Variants in PIK3C2G observed in about 807,000 individuals in gnomAD.
PIK3C2G encodes the protein phosphatidylinositol-4-phosphate 3-kinase catalytic subunit type 2 gamma, also known as phosphatidylinositol 3-kinase C2 domain-containing subunit gamma.
Under a neutral mutation model 181.1 loss-of-function variants are expected in PIK3C2G, and 168 were observed. The ratio of observed to expected loss-of-function variants is 0.93; its 90% CI spans 0.82 to 1.05. The LOEUF is 1.05. PIK3C2G is among the 50% of genes least tolerant of loss of function. The pLI is 0.00. For missense variants in PIK3C2G, 1,869 were observed against 1,732.8 expected (o/e 1.08, Z -1.40); for synonymous variants, 573 against 592.2 (o/e 0.97, Z 0.47).
chr12:18,649,200 G>C (rs916529040), downstream of PIK3C2G, among the ~76,000 whole-genome samples: 6 of 152,136 alleles, frequency 3.9e-5, no homozygotes, highest in East Asian at 9.7e-4. Context: ...CTTGGCTGAT[G>C]GCATTGTTTC....
At chr12:18,693,315 C>G in the PIK3C2G span, 1 of 1,542,006 alleles carries the variant, frequency 6.5e-7, no homozygotes, top group African/African-American at 1.4e-5. Flanking sequence ...GGAAAAGGCC[C>G]CCCAAGAGAC....
At chr12:18,334,008 T>C (rs1253146665) in intron 8 of PIK3C2G, among the ~76,000 whole-genome samples, 1 of 152,148 alleles carries the variant, frequency 6.6e-6, no homozygotes. Context: ...TCAAGTATGA[T>C]TAATTAATTC....
At chr12:18,383,962 C>T (rs758477676) in intron 14 of PIK3C2G, among the ~76,000 whole-genome samples, 1 of 150,580 alleles carries the variant, frequency 6.6e-6, no homozygotes, top group African/African-American at 2.4e-5. Context: ...TGCCACCTTG[C>T]CCTGTTATTT....
intron 29 of PIK3C2G, among the ~76,000 whole-genome samples, chr12:18,593,035 C>T (rs1947167793): frequency 6.6e-6 from 1 of 151,808 alleles, no homozygotes; most frequent in African/African-American, 2.4e-5. Flanking sequence ...GAATCTATTC[C>T]AGGTCTTTCT....
chr12:18,382,830 C>T (rs182477442), intron 14 of PIK3C2G, among the ~76,000 whole-genome samples: 1 of 152,214 alleles, frequency 6.6e-6, no homozygotes, highest in Admixed American at 6.5e-5. Flanking sequence ...CTTAAGTTTC[C>T]AGGCTTGTGG....
At chr12:18,693,321 G>C in the PIK3C2G span, 1 of 1,546,316 alleles carries the variant, frequency 6.5e-7, no homozygotes, top group South Asian at 1.1e-5. Flanking sequence ...GGCCCCCCAA[G>C]AGACCTATGC....
chr12:18,423,984 C>A lies in PIK3C2G; in HGVS notation c.2449C>A (p.Gln817Lys), dbSNP rs1945642780. 1.2e-6 allele frequency: 2 copies of A among 1,611,526 alleles called. No homozygotes were observed. The highest frequency in any genetic ancestry group is 1.7e-6 in the Non-Finnish European group (2 of 1,178,710). Residue 817 changes from glutamine to lysine, a missense_variant, in exon 18 of 33, where the codon CAA becomes AAA. Coordinates refer to ENST00000538779, the MANE Select transcript of PIK3C2G (RefSeq NM_001288772.2). ...FEWNLESPLV[Q>K]LLLHRSLQSI... Reference sequence around the variant, plus strand: ...ATGGAACCTTGAGAGTCCTTTAGTGCAACTTCTACTCCACCGCTCCTTGCA... The same window carrying A: ...ATGGAACCTTGAGAGTCCTTTAGTGAAACTTCTACTCCACCGCTCCTTGCA...
rs1485527001 is a variant in PIK3C2G at position 18,563,358 on chromosome 12, A to G, written c.3781-19A>G. Reference sequence around the variant, plus strand: ...CTGATATTGCCATCTTTTGATTTCTATCTATTTACTTTCTGCAGCTGTATC... The same window carrying G: ...CTGATATTGCCATCTTTTGATTTCTGTCTATTTACTTTCTGCAGCTGTATC... On this transcript the variant is annotated intron_variant, in intron 27 of 32. Transcript: ENST00000538779. 12 of 1,594,740 alleles carry G rather than the reference A, an allele frequency of 7.5e-6. No homozygotes were observed. In the African/African-American group the frequency reaches 8.0e-5, roughly 11 times the overall value.
intron 16 of PIK3C2G, among the ~76,000 whole-genome samples, chr12:18,404,539 G>A (rs946919447): frequency 1.3e-5 from 2 of 152,166 alleles, no homozygotes; most frequent in African/African-American, 4.8e-5. Flanking sequence ...GTAAGGAAAA[G>A]TTCACAAAGA....
At chr12:18,545,476 T>C (rs1251389192) in intron 25 of PIK3C2G, among the ~76,000 whole-genome samples, 2 of 151,818 alleles carry the variant, frequency 1.3e-5, no homozygotes, top group African/African-American at 2.4e-5. Context: ...TAATTTATCA[T>C]CTTAGTCATA....
chr12:18,294,500 T>TA (rs1254432068), intron 5 of PIK3C2G, among the ~76,000 whole-genome samples: 1 of 152,056 alleles, frequency 6.6e-6, no homozygotes, highest in African/African-American at 2.4e-5. Context: ...CATTATAACT[T>TA]ACTTTTTATG....
intron 31 of PIK3C2G, among the ~76,000 whole-genome samples, chr12:18,618,134 C>A (rs1948687162): frequency 6.6e-6 from 1 of 151,756 alleles, no homozygotes; most frequent in East Asian, 1.9e-4. Context: ...ACTTATGTAC[C>A]TGTAGAGCTG....
intron 2 of PIK3C2G, among the ~76,000 whole-genome samples, chr12:18,286,171 A>G (rs1168886200): frequency 1.3e-5 from 2 of 152,044 alleles, no homozygotes; most frequent in African/African-American, 2.4e-5. Context: ...AAAACGCATA[A>G]GGCAAAAATG....
At position 18,579,134 on chromosome 12, in the gene PIK3C2G, A is replaced by G. The variant is rs147385099; in HGVS notation, c.4011+12077A>G. ...ACTGACACTATGTGTAACACTCTTG[A>G]TTAAGAGCTTTAAGTTGGTTGCAGA... is the stretch of plus-strand genomic sequence containing the variant. On this transcript the variant is annotated intron_variant, in intron 29 of 32. Coordinates refer to ENST00000538779, the MANE Select transcript of PIK3C2G (RefSeq NM_001288772.2). Among the ~76,000 whole-genome samples the G allele has an allele frequency of 5.4e-3, 823 of 152,202 alleles. 10 individuals are homozygous for G. Among genetic ancestry groups the G allele is most frequent in the African/African-American group, 0.019 (782 of 41,544 alleles).
rs373536316 is a variant in PIK3C2G at position 18,250,581 on chromosome 12, C to T, written c.-79+2499C>T. Reference sequence around the variant, plus strand: ...AAGCAGATATTCCCTTCATTAACATCCAAGTTAACTGCAATTCTAAGAGTA... The same window carrying T: ...AAGCAGATATTCCCTTCATTAACATTCAAGTTAACTGCAATTCTAAGAGTA... On this transcript the variant is annotated intron_variant, in intron 1 of 11. Coordinates refer to the PIK3C2G transcript ENST00000535651. Among the ~76,000 whole-genome samples the T allele has an allele frequency of 4.6e-5, 7 of 152,108 alleles. No individual in the cohort carries two copies. In the South Asian group the frequency reaches 1.4e-3, roughly 32 times the overall value.
intron 8 of PIK3C2G, among the ~76,000 whole-genome samples, chr12:18,336,529 T>C (rs1938553263): frequency 6.6e-6 from 1 of 152,158 alleles, no homozygotes; most frequent in South Asian, 2.1e-4. Flanking sequence ...AACTTTCTAG[T>C]TATGGAGAGC....
intron 17 of PIK3C2G, among the ~76,000 whole-genome samples, chr12:18,422,317 AT>A (rs201669149): frequency 1.7e-4 from 23 of 136,932 alleles, no homozygotes; most frequent in African/African-American, 5.1e-4. Context: ...GACTAGAAAA[AT>A]TTAAAAAAAA....
chr12:18,363,250 G>A (rs1342761930), intron 12 of PIK3C2G, among the ~76,000 whole-genome samples: 2 of 152,024 alleles, frequency 1.3e-5, no homozygotes, highest in African/African-American at 2.4e-5. Flanking sequence ...CTGATAACGT[G>A]GGTAATCTCC....
the PIK3C2G span, chr12:18,683,137 G>A: frequency 1.5e-4 from 141 of 968,360 alleles, no homozygotes; most frequent in East Asian, 3.6e-3. Context: ...AGTTTTATGA[G>A]TAATTATTTT....
Sources: gnomAD v4.1 joint callset for allele counts (sites outside exome capture counted in the v4.1 genomes callset) on GRCh38, gnomAD v4.1.1 for gene constraint, MANE v1.5 for transcripts, NCBI Gene and HGNC (gene_info 2026-07-23, HGNC 2026-07-21) for gene names.